SNTG1: variants seen among roughly 807,000 people sequenced by gnomAD.
SNTG1 encodes the protein gamma-1-syntrophin.
SNTG1 carries 39 observed loss-of-function variants against 74.7 expected under a neutral mutation model. The observed-to-expected ratio is 0.52, with a 90% CI of 0.40 to 0.68. The LOEUF (loss-of-function observed/expected upper bound fraction) is 0.68. SNTG1 is among the 30% of genes least tolerant of loss of function. SNTG1 has a pLI of 0.00. For missense variants in SNTG1, 685 were observed against 609.5 expected (o/e 1.12, Z -1.30); for synonymous variants, 254 against 217.1 (o/e 1.17, Z -1.49).
chr8:50,381,868 T>C (rs2092494157), intron 2 of SNTG1: 1 of 144,280 alleles, frequency 6.9e-6, no homozygotes. Context: ...GGGAGTTTAT[T>C]AAGTATTAAC....
At chr8:50,595,199 TAG>T (rs1176738945) in intron 13 of SNTG1, among the ~76,000 whole-genome samples, 2 of 152,064 alleles carry the variant, frequency 1.3e-5, no homozygotes, top group African/African-American at 4.8e-5. Context: ...AAACACATTA[TAG>T]AGTCACACAA....
intron 8 of SNTG1, among the ~76,000 whole-genome samples, chr8:50,487,722 A>T (rs1056283071): frequency 3.2e-4 from 48 of 151,678 alleles, no homozygotes; most frequent in African/African-American, 1.1e-3. Flanking sequence ...GCACTGGGAG[A>T]TATACCTAAT....
chr8:50,693,899 T>G (rs2095393341), intron 15 of SNTG1, among the ~76,000 whole-genome samples: 1 of 152,196 alleles, frequency 6.6e-6, no homozygotes, highest in South Asian at 2.1e-4. Context: ...ATTTAAAAAT[T>G]TCTTAAGACA....
At chr8:50,174,127 G>A (rs2082908473) in intron 2 of SNTG1, among the ~76,000 whole-genome samples, 1 of 152,152 alleles carries the variant, frequency 6.6e-6, no homozygotes, top group South Asian at 2.1e-4. Flanking sequence ...TGCGAATGAT[G>A]GCTTCCAGCT....
In SNTG1 at chr8:50,757,692, T is replaced by C. The variant is rs143737157; in HGVS notation, c.1395+5581T>C. Among the ~76,000 whole-genome samples the C allele has an allele frequency of 3.7e-3, 563 of 152,050 alleles. 4 individuals are homozygous for C. The highest frequency in any genetic ancestry group is 0.013 in the African/African-American group (521 of 41,538). ...ATGTTAAAAATAATTTTTGATACAG[T>C]TGGATGAATATCCACAATATTTCTT... On this transcript the variant is annotated intron_variant, in intron 18 of 18. Coordinates refer to ENST00000642720, the MANE Select transcript of SNTG1 (RefSeq NM_018967.5).
intron 8 of SNTG1, among the ~76,000 whole-genome samples, chr8:50,502,400 G>A (rs2093968287): frequency 6.6e-6 from 1 of 151,910 alleles, no homozygotes; most frequent in Non-Finnish European, 1.5e-5. Flanking sequence ...CCAATTTATT[G>A]GTGCAAAATA....
At chr8:50,781,397 G>A (rs1198960654) in intron 18 of SNTG1, among the ~76,000 whole-genome samples, 1 of 152,076 alleles carries the variant, frequency 6.6e-6, no homozygotes, top group Non-Finnish European at 1.5e-5. Flanking sequence ...CCTGTATTGG[G>A]TGCATATATA....
chr8:50,141,074 T>C (rs2081641372), intron 1 of SNTG1, among the ~76,000 whole-genome samples: 1 of 152,214 alleles, frequency 6.6e-6, no homozygotes, highest in South Asian at 2.1e-4. Context: ...TGAAAATGTG[T>C]TTCTTCAGTG....
Position 50,553,043 on chromosome 8 carries a change from T to A in SNTG1, c.681-7T>A. 2 of 1,613,766 alleles carry A rather than the reference T, an allele frequency of 1.2e-6. No homozygotes were observed. Among genetic ancestry groups the A allele is most frequent in the East Asian group, 2.2e-5 (1 of 44,864 alleles). ...GTTTTGATCTGATTTGTTCTGAACATCTGCAGGCAGAATGCCTTTCAAGTC... is the reference window on the plus strand; with the variant it reads ...GTTTTGATCTGATTTGTTCTGAACAACTGCAGGCAGAATGCCTTTCAAGTC... On this transcript the variant is annotated splice_region_variant and splice_polypyrimidine_tract_variant and intron_variant, in intron 11 of 18. Transcript: ENST00000642720.
At chr8:50,043,808 T>TAC (rs148228436) in intron 1 of SNTG1, among the ~76,000 whole-genome samples, 1 of 151,984 alleles carries the variant, frequency 6.6e-6, no homozygotes. Flanking sequence ...TGCACACACA[T>TAC]ACACACACAC....
At chr8:50,082,213 A>G (rs958972932) in intron 1 of SNTG1, among the ~76,000 whole-genome samples, 4 of 152,148 alleles carry the variant, frequency 2.6e-5, no homozygotes, top group Non-Finnish European at 4.4e-5. Flanking sequence ...TTATTTGAAT[A>G]TATTTATAAT....
At chr8:50,038,973 T>C (rs2130802555) in intron 1 of SNTG1, among the ~76,000 whole-genome samples, 1 of 152,314 alleles carries the variant, frequency 6.6e-6, no homozygotes, top group East Asian at 1.9e-4. Context: ...TGGTGTACCC[T>C]GCAGGAGCCC....
chr8:50,683,193 A>G (rs1011343678), intron 15 of SNTG1, among the ~76,000 whole-genome samples: 1 of 152,210 alleles, frequency 6.6e-6, no homozygotes. Flanking sequence ...AATGCCTACT[A>G]TGGATATTTC....
chr8:50,395,543 G>T (rs1367752329), intron 3 of SNTG1, among the ~76,000 whole-genome samples: 1 of 126,932 alleles, frequency 7.9e-6, no homozygotes, highest in East Asian at 2.4e-4. Context: ...TCACTCTGTC[G>T]CCCAGGCTGG....
At chr8:50,735,317 A>G (rs975094898) in intron 17 of SNTG1, among the ~76,000 whole-genome samples, 1 of 151,642 alleles carries the variant, frequency 6.6e-6, no homozygotes. Context: ...TTAGACAAAA[A>G]CTCCTCCAAT....
intron 2 of SNTG1, among the ~76,000 whole-genome samples, chr8:50,346,727 G>A (rs557758101): frequency 6.6e-6 from 1 of 152,336 alleles, no homozygotes; most frequent in South Asian, 2.1e-4. Flanking sequence ...TTAAGAAAAT[G>A]GAAGAACCTT....
At chr8:49,946,692 T>C (rs952925005) in intron 1 of SNTG1, among the ~76,000 whole-genome samples, 2 of 152,192 alleles carry the variant, frequency 1.3e-5, no homozygotes, top group Admixed American at 1.3e-4. Flanking sequence ...GTGGGCCGTC[T>C]GATGTAATCT....
chr8:50,163,884 A>G (rs1465296406), intron 1 of SNTG1: 2 of 152,018 alleles, frequency 1.3e-5, no homozygotes, highest in Non-Finnish European at 2.9e-5. Context: ...GAATTCAAAA[A>G]TCTTCATCAA....
At chr8:50,649,540 G>A (rs1447137015) in intron 13 of SNTG1, among the ~76,000 whole-genome samples, 3 of 152,118 alleles carry the variant, frequency 2.0e-5, no homozygotes, top group Non-Finnish European at 4.4e-5. Flanking sequence ...CTGTGTTGGA[G>A]CTTTTCCATT....
Sources: gnomAD v4.1 joint callset for allele counts (sites outside exome capture counted in the v4.1 genomes callset) on GRCh38, gnomAD v4.1.1 for gene constraint, MANE v1.5 for transcripts, NCBI Gene and HGNC (gene_info 2026-07-23, HGNC 2026-07-21) for gene names.